The following NBEA variants were observed in gnomAD, a reference collection of about 807,000 sequenced individuals.
NBEA encodes neurobeachin.
NBEA carries 44 observed loss-of-function variants against 343.4 expected under a neutral mutation model. The observed-to-expected ratio is 0.13, with a 90% confidence interval of 0.10 to 0.16. The LOEUF (loss-of-function observed/expected upper bound fraction) is 0.16, where lower values mean the gene tolerates loss of function less well. NBEA is among the 10% of genes least tolerant of loss of function. The pLI, the probability that NBEA is intolerant of heterozygous loss-of-function variation, is 1.00. For synonymous variants in NBEA, 1,175 were observed against 1,238.7 expected (o/e 0.95, Z 1.08); for missense variants, 2,555 against 3,631.3 (o/e 0.70, Z 7.62).
chr13:35,281,896 T>A (rs567383461), intron 34 of NBEA, among the ~76,000 whole-genome samples: 2 of 151,938 alleles, frequency 1.3e-5, no homozygotes, highest in Non-Finnish European at 2.9e-5. Flanking sequence ...TTATATTTTA[T>A]AGAATATAAA....
chr13:35,076,503 A>G (rs1353305278), intron 10 of NBEA, among the ~76,000 whole-genome samples: 1 of 152,044 alleles, frequency 6.6e-6, no homozygotes, highest in East Asian at 1.9e-4. Flanking sequence ...TTCTTTTTAA[A>G]TTTAGCGACA....
rs530449257 is a variant in NBEA at position 34,998,154 on chromosome 13, T to C, written c.295-42779T>C. 3.3e-5 allele frequency among the ~76,000 whole-genome samples: 5 copies of C among 152,120 alleles called. No homozygotes were observed. In the South Asian group the frequency reaches 1.0e-3, roughly 31 times the overall value. Reference sequence around the variant, plus strand: ...AGATATCACATGTTGGCAGGTTCCATGATGTGCCCCCAAGCCACAAAACCA... The same window carrying C: ...AGATATCACATGTTGGCAGGTTCCACGATGTGCCCCCAAGCCACAAAACCA... On this transcript the variant is annotated intron_variant, in intron 1 of 58. Coordinates refer to ENST00000379939, the MANE Select transcript of NBEA (RefSeq NM_001385012.1).
intron 33 of NBEA, among the ~76,000 whole-genome samples, chr13:35,229,571 T>A (rs1245633951): frequency 2.0e-5 from 3 of 152,090 alleles, no homozygotes; most frequent in Non-Finnish European, 4.4e-5. Flanking sequence ...TAACATAGCT[T>A]TTAATTTATT....
chr13:35,066,657 A>G (rs2063664095), intron 8 of NBEA, among the ~76,000 whole-genome samples: 1 of 151,658 alleles, frequency 6.6e-6, no homozygotes, highest in Admixed American at 6.6e-5. Flanking sequence ...ATTTACTTTA[A>G]ATATGTTTTT....
chr13:35,667,320 GT>G, intron 56 of NBEA, 53 bp from the exon 57 acceptor site: 1 of 1,460,742 alleles, frequency 6.8e-7, no homozygotes, highest in Non-Finnish European at 9.5e-7. Flanking sequence ...GTGGGAGCTA[GT>G]ATGTCGTTTG....
intron 36 of NBEA, among the ~76,000 whole-genome samples, chr13:35,323,733 TA>T (rs945628113): frequency 2.1e-4 from 32 of 151,816 alleles, no homozygotes; most frequent in East Asian, 1.2e-3. Context: ...AATAAATAAA[TA>T]AAATAAAATA....
chr13:35,288,020 CTT>C (rs1478181855), intron 34 of NBEA, among the ~76,000 whole-genome samples: 2 of 151,712 alleles, frequency 1.3e-5, no homozygotes, highest in South Asian at 2.1e-4. Flanking sequence ...TAAATAATAA[CTT>C]ATTACTGTAA....
chr13:35,242,866 C>T (rs78580056), intron 34 of NBEA, among the ~76,000 whole-genome samples: 4,609 of 151,850 alleles, frequency 0.03, 90 homozygotes, highest in South Asian at 0.04. Context: ...GAGCTGAGAG[C>T]ATTTATTACT....
intron 38 of NBEA, among the ~76,000 whole-genome samples, chr13:35,367,672 T>C (rs2041199835): frequency 6.6e-6 from 1 of 151,370 alleles, no homozygotes; most frequent in Non-Finnish European, 1.5e-5. Flanking sequence ...AATAGAGTAT[T>C]ACACAAATAG....
intron 34 of NBEA, among the ~76,000 whole-genome samples, chr13:35,239,898 G>A (rs2029920334): frequency 6.6e-6 from 1 of 151,758 alleles, no homozygotes; most frequent in Non-Finnish European, 1.5e-5. Context: ...GCAACATTTT[G>A]TGATACCACA....
chr13:35,403,505 A>G (rs1448019407), intron 38 of NBEA, among the ~76,000 whole-genome samples: 15 of 152,106 alleles, frequency 9.9e-5, no homozygotes, highest in Admixed American at 6.6e-5. Flanking sequence ...GCAATGGGGA[A>G]AGGATTCCCT....
chr13:35,130,225 A>G (rs2067342527), intron 17 of NBEA, among the ~76,000 whole-genome samples: 1 of 152,098 alleles, frequency 6.6e-6, no homozygotes, highest in Non-Finnish European at 1.5e-5. Flanking sequence ...AACTGCTCTA[A>G]AAATAAAGTG....
At chr13:35,067,526 CG>C (rs2063698938) in intron 8 of NBEA, among the ~76,000 whole-genome samples, 2 of 151,860 alleles carry the variant, frequency 1.3e-5, no homozygotes, top group Admixed American at 1.3e-4. Context: ...CAAAGTTGTG[CG>C]GACATCACTA....
At chr13:35,097,794 A>G (rs2065415053) in intron 10 of NBEA, among the ~76,000 whole-genome samples, 1 of 151,760 alleles carries the variant, frequency 6.6e-6, no homozygotes, top group Non-Finnish European at 1.5e-5. Flanking sequence ...CATGTTACAT[A>G]TTTCTCTGGA....
chr13:35,015,845 A>G lies in NBEA; in HGVS notation c.295-25088A>G, dbSNP rs148345517. 9.1e-4 allele frequency among the ~76,000 whole-genome samples: 138 copies of G among 152,226 alleles called. 1 individual carries two copies. Among genetic ancestry groups the G allele is most frequent in the African/African-American group, 2.6e-3 (108 of 41,570 alleles). Reference sequence around the variant, plus strand: ...AACTTACATAATAACCTCATTTAACATTATGTATAACAGTGATTCAGGTGG... The same window carrying G: ...AACTTACATAATAACCTCATTTAACGTTATGTATAACAGTGATTCAGGTGG... On this transcript the variant is annotated intron_variant, in intron 1 of 58. Transcript: ENST00000379939.
chr13:35,600,054 A>G (rs943855400), intron 47 of NBEA, among the ~76,000 whole-genome samples: 4 of 152,206 alleles, frequency 2.6e-5, no homozygotes, highest in African/African-American at 9.6e-5. Context: ...CATAGGTTCA[A>G]GTAGCCCTGA....
chr13:35,029,646 G>A lies in NBEA; in HGVS notation c.295-11287G>A, dbSNP rs537041311. Among the ~76,000 whole-genome samples the A allele has an allele frequency of 1.8e-4, 27 of 151,644 alleles. No individual in the cohort carries two copies. In the South Asian group the frequency reaches 4.6e-3, roughly 26 times the overall value. On this transcript the variant is annotated intron_variant, in intron 1 of 58. Coordinates refer to ENST00000379939, the MANE Select transcript of NBEA (RefSeq NM_001385012.1). Reference sequence around the variant, plus strand: ...TAAATAATGAACATTGAATTATTGCGTATGATCCTAATAATCTAAGATTTC... The same window carrying A: ...TAAATAATGAACATTGAATTATTGCATATGATCCTAATAATCTAAGATTTC...
At chr13:35,350,401 T>C (rs1333763930) in intron 37 of NBEA, among the ~76,000 whole-genome samples, 1 of 152,078 alleles carries the variant, frequency 6.6e-6, no homozygotes, top group African/African-American at 2.4e-5. Context: ...AATTTTATAA[T>C]ACCACCCATA....
At chr13:34,984,495 T>G (rs1362562766) in intron 1 of NBEA, among the ~76,000 whole-genome samples, 1 of 151,538 alleles carries the variant, frequency 6.6e-6, no homozygotes, top group Non-Finnish European at 1.5e-5. Context: ...CCAGCTTTGT[T>G]CTTTTTGCTT....
Sources: gnomAD v4.1 joint callset for allele counts (sites outside exome capture counted in the v4.1 genomes callset) on GRCh38, gnomAD v4.1.1 for gene constraint, MANE v1.5 for transcripts, NCBI Gene and HGNC (gene_info 2026-07-23, HGNC 2026-07-21) for gene names.